ARHGAP15: variants seen among roughly 807,000 people sequenced by gnomAD.
ARHGAP15 encodes the protein Rho GTPase activating protein 15, also known as rho GTPase-activating protein 15.
A neutral mutation model predicts 63.7 loss-of-function variants in ARHGAP15; 51 were observed. That is an observed-to-expected ratio of 0.80 (90% confidence interval 0.64 to 1.01). The LOEUF (loss-of-function observed/expected upper bound fraction) is 1.01. Among genes scored for constraint, ARHGAP15 ranks in the 50% least tolerant of loss-of-function variants. The pLI, the probability that ARHGAP15 is intolerant of heterozygous loss-of-function variation, is 0.00. For missense variants in ARHGAP15, 560 were observed against 564.6 expected (o/e 0.99, Z 0.08); for synonymous variants, 191 against 193.8 (o/e 0.99, Z 0.12).
At position 143,584,627 on chromosome 2, in the gene ARHGAP15, AAACAACAAC is replaced by A. The variant is rs199974019; in HGVS notation, c.1003+28157_1003+28165del. ...GGCAACAGAACAAGACTCTGTCAAA[AAACAACAAC>A]AACAACAACAACAATATAGAAATAT... On this transcript the variant is annotated intron_variant, in intron 11 of 13. Coordinates refer to ENST00000295095, the MANE Select transcript of ARHGAP15 (RefSeq NM_018460.4). Among the ~76,000 whole-genome samples, 325 of 152,124 alleles carry A rather than the reference AAACAACAAC, an allele frequency of 2.1e-3. 1 individual carries two copies. Among genetic ancestry groups the A allele is most frequent in the African/African-American group, 7.0e-3 (290 of 41,510 alleles).
intron 6 of ARHGAP15, among the ~76,000 whole-genome samples, chr2:143,278,424 G>A (rs189244850): frequency 6.6e-6 from 1 of 152,254 alleles, no homozygotes; most frequent in Non-Finnish European, 1.5e-5. Flanking sequence ...CATAGTTGAC[G>A]AGGAAGGAGG....
intron 8 of ARHGAP15, 29 bp downstream of exon 8, chr2:143,437,071 T>C (rs770154757): frequency 1.3e-6 from 2 of 1,581,434 alleles, no homozygotes; most frequent in Non-Finnish European, 1.7e-6. Flanking sequence ...TTGCTCATTT[T>C]AAGTTTGTCT....
At chr2:143,577,927 A>G (rs996075581) in intron 11 of ARHGAP15, among the ~76,000 whole-genome samples, 2 of 152,196 alleles carry the variant, frequency 1.3e-5, no homozygotes, top group Admixed American at 6.6e-5. Flanking sequence ...CAGTTAAGAC[A>G]AAAAATGCCA....
chr2:143,768,078 C>A lies in ARHGAP15; in HGVS notation c.1334C>A (p.Thr445Lys). The A allele has an allele frequency of 6.2e-7, 1 of 1,613,696 alleles. No homozygotes were observed. The highest frequency in any genetic ancestry group is 8.5e-7 in the Non-Finnish European group (1 of 1,179,784). The change falls in exon 14 of 14, where the codon ACA (threonine) becomes AAA (lysine). Residue 445 changes from threonine (T) to lysine (K), a missense_variant. Coordinates refer to ENST00000295095, the MANE Select transcript of ARHGAP15 (RefSeq NM_018460.4). Reference protein sequence around the residue: ...GPTLLRAENETGNMAIHMVYQ... With the variant: ...GPTLLRAENEKGNMAIHMVYQ... ...ACCCTTCTGCGAGCTGAAAATGAAACAGGAAACATGGCGATCCACATGGTC... is the reference window on the plus strand; with the variant it reads ...ACCCTTCTGCGAGCTGAAAATGAAAAAGGAAACATGGCGATCCACATGGTC...
intron 12 of ARHGAP15, among the ~76,000 whole-genome samples, chr2:143,625,868 T>A (rs1378236788): frequency 6.6e-6 from 1 of 152,206 alleles, no homozygotes; most frequent in Non-Finnish European, 1.5e-5. Flanking sequence ...TTTGGAAATA[T>A]ACTTCGGTAT....
intron 12 of ARHGAP15, among the ~76,000 whole-genome samples, chr2:143,661,663 C>T (rs527501303): frequency 1.7e-3 from 265 of 152,228 alleles, no homozygotes; most frequent in Middle Eastern, 0.014. Context: ...TCTGAGGTAC[C>T]GGGTTCATCT....
intron 2 of ARHGAP15, among the ~76,000 whole-genome samples, chr2:143,191,497 G>A (rs1691683778): frequency 2.0e-5 from 3 of 152,204 alleles, no homozygotes; most frequent in Non-Finnish European, 1.5e-5. Flanking sequence ...TATACACTAT[G>A]CTAAGTATTG....
At chr2:143,688,979 T>C (rs183027663) in intron 12 of ARHGAP15, among the ~76,000 whole-genome samples, 2 of 152,266 alleles carry the variant, frequency 1.3e-5, no homozygotes, top group East Asian at 3.9e-4. Context: ...TGAGGTAGTT[T>C]TTTAACTCAC....
intron 6 of ARHGAP15, among the ~76,000 whole-genome samples, chr2:143,266,401 G>A (rs1035733047): frequency 6.6e-6 from 1 of 152,080 alleles, no homozygotes; most frequent in East Asian, 1.9e-4. Context: ...ACTAAGACTT[G>A]GATTATGTAG....
intron 11 of ARHGAP15, among the ~76,000 whole-genome samples, chr2:143,593,895 C>A (rs368454266): frequency 6.6e-6 from 1 of 152,182 alleles, no homozygotes; most frequent in Non-Finnish European, 1.5e-5. Flanking sequence ...TTCACATACA[C>A]GTTACAAAAA....
At chr2:143,648,190 C>T (rs1680981252) in intron 12 of ARHGAP15, among the ~76,000 whole-genome samples, 2 of 152,038 alleles carry the variant, frequency 1.3e-5, no homozygotes, top group Admixed American at 1.3e-4. Flanking sequence ...TTTCTTGTTA[C>T]TCGAGTTCTA....
intron 8 of ARHGAP15, among the ~76,000 whole-genome samples, chr2:143,464,021 T>G (rs1691086470): frequency 1.3e-5 from 2 of 152,212 alleles, no homozygotes; most frequent in Non-Finnish European, 2.9e-5. Context: ...TGAAGACATC[T>G]CCATTCAACA....
At chr2:143,709,135 A>G (rs571759927) in intron 13 of ARHGAP15, among the ~76,000 whole-genome samples, 2 of 152,336 alleles carry the variant, frequency 1.3e-5, no homozygotes, top group East Asian at 3.8e-4. Context: ...TAAAAATAAT[A>G]CATAATTATG....
intron 6 of ARHGAP15, among the ~76,000 whole-genome samples, chr2:143,387,394 T>C (rs1687330652): frequency 6.6e-6 from 1 of 152,216 alleles, no homozygotes; most frequent in South Asian, 2.1e-4. Flanking sequence ...TTTGTCATTA[T>C]ATCTTATCTT....
At chr2:143,442,514 C>T (rs142035008) in intron 8 of ARHGAP15, among the ~76,000 whole-genome samples, 359 of 152,142 alleles carry the variant, frequency 2.4e-3, no homozygotes, top group Non-Finnish European at 4.0e-3. Flanking sequence ...CCCTGAAAGT[C>T]CCCAGTAGTG....
chr2:143,463,425 C>T lies in ARHGAP15; in HGVS notation c.704-23948C>T, dbSNP rs568763173. Among the ~76,000 whole-genome samples the T allele has an allele frequency of 3.6e-4, 54 of 151,196 alleles. 1 individual carries two copies. Among genetic ancestry groups the T allele is most frequent in the African/African-American group, 1.2e-3 (51 of 41,196 alleles). On this transcript the variant is annotated intron_variant, in intron 8 of 13. Transcript: ENST00000295095. ...GGTGTAGTGGCGGGCACCTGTAATC[C>T]TATCTACTCAGGAGGCTGAAACAGG...
intron 7 of ARHGAP15, 137 bp from the exon 8 acceptor site, chr2:143,436,776 C>T: frequency 1.3e-6 from 1 of 769,954 alleles, no homozygotes; most frequent in African/African-American, 1.8e-5. Context: ...GAGTATTGAG[C>T]TTAGCATAGA....
intron 13 of ARHGAP15, among the ~76,000 whole-genome samples, chr2:143,710,381 T>C (rs935570007): frequency 6.6e-6 from 1 of 152,140 alleles, no homozygotes; most frequent in Non-Finnish European, 1.5e-5. Context: ...GGTGAAGCAA[T>C]AGTTCCCAAC....
chr2:143,432,459 A>T (rs1466708287), intron 6 of ARHGAP15, among the ~76,000 whole-genome samples: 1 of 152,034 alleles, frequency 6.6e-6, no homozygotes, highest in Non-Finnish European at 1.5e-5. Flanking sequence ...TTAAAATCTA[A>T]AACGCAAATT....
Sources: gnomAD v4.1 joint callset for allele counts (sites outside exome capture counted in the v4.1 genomes callset) on GRCh38, gnomAD v4.1.1 for gene constraint, MANE v1.5 for transcripts, NCBI Gene and HGNC (gene_info 2026-07-23, HGNC 2026-07-21) for gene names.